LRRC8D: variants seen among roughly 807,000 people sequenced by gnomAD.
LRRC8D encodes leucine rich repeat containing 8 VRAC subunit D.
Under a neutral mutation model 55.8 loss-of-function variants are expected in LRRC8D, and 20 were observed. The observed-to-expected ratio is 0.36, with a 90% confidence interval of 0.25 to 0.52. LRRC8D has a LOEUF of 0.52. Among genes scored for constraint, LRRC8D ranks in the 20% least tolerant of loss-of-function variants. LRRC8D has a pLI of 0.93. For missense variants in LRRC8D, 651 were observed against 1,030.8 expected, an observed-to-expected ratio of 0.63 and a Z score of 5.05; for synonymous variants, 352 against 377.0, an observed-to-expected ratio of 0.93 and a Z score of 0.77.
At chr1:89,829,928 G>C (rs1159541856) in intron 1 of LRRC8D, among the ~76,000 whole-genome samples, 1 of 152,158 alleles carries the variant, frequency 6.6e-6, no homozygotes, top group Admixed American at 6.5e-5. Context: ...TTAGATCTCA[G>C]CCAGAATAAC....
chr1:89,845,279 A>C (rs1393703625), intron 2 of LRRC8D, among the ~76,000 whole-genome samples: 1 of 152,208 alleles, frequency 6.6e-6, no homozygotes, highest in Non-Finnish European at 1.5e-5. Flanking sequence ...CAATAAGTAC[A>C]TGGCATTAAG....
In LRRC8D at chr1:89,933,530, C is replaced by T; in HGVS notation, c.462C>T (p.Tyr154=). 6.2e-7 allele frequency: 1 copy of T among 1,614,130 alleles called. No homozygotes were observed. Among genetic ancestry groups the T allele is most frequent in the Non-Finnish European group, 8.5e-7 (1 of 1,179,994 alleles). Residue 154 remains tyrosine, a synonymous_variant, in exon 3 of 3, where the codon TAC becomes TAT. Transcript: ENST00000337338. This position sits in a 1 kb window ranked among gnomAD's most constrained non-coding sequence, Gnocchi z 7.0. The part of the protein sequence containing the change: ...QQYVFINQMC[Y]HLALPWYSKY... Reference sequence around the variant, plus strand: ...ATGTATTTATTAATCAAATGTGTTACCATCTGGCCCTTCCGTGGTATTCTA... The same window carrying T: ...ATGTATTTATTAATCAAATGTGTTATCATCTGGCCCTTCCGTGGTATTCTA...
intron 2 of LRRC8D, among the ~76,000 whole-genome samples, chr1:89,869,092 A>T (rs1661928904): frequency 6.6e-6 from 1 of 152,064 alleles, no homozygotes; most frequent in Non-Finnish European, 1.5e-5. Flanking sequence ...CTTTTAGCAG[A>T]GATGGGGTTT....
intron 2 of LRRC8D, among the ~76,000 whole-genome samples, chr1:89,931,256 C>CG (rs144283013): frequency 9.8e-6 from 1 of 102,304 alleles, no homozygotes; most frequent in African/African-American, 4.0e-5. Context: ...GGAAGGGTTT[C>CG]GGAAAAAAAA....
chr1:89,910,825 C>A (rs1035808775), intron 2 of LRRC8D, among the ~76,000 whole-genome samples: 1 of 152,122 alleles, frequency 6.6e-6, no homozygotes, highest in Non-Finnish European at 1.5e-5. Flanking sequence ...TAATTTTCTT[C>A]CTGTCTTCCC....
rs1337682899 is a variant in LRRC8D at position 89,826,390 on chromosome 1, G to A, written c.-148+5099G>A. On this transcript the variant is annotated intron_variant, in intron 1 of 2. Transcript: ENST00000337338. ...CGCCATTCTCCTGCCTCAGCCTCCC[G>A]AGTAGCTGGGACTACAGGCACCCGC... 2.0e-5 allele frequency among the ~76,000 whole-genome samples: 3 copies of A among 151,776 alleles called. No individual in the cohort carries two copies. In the East Asian group the frequency reaches 5.8e-4, roughly 29 times the overall value.
intron 2 of LRRC8D, among the ~76,000 whole-genome samples, chr1:89,926,222 C>T (rs1011807978): frequency 2.6e-4 from 40 of 152,228 alleles, no homozygotes; most frequent in African/African-American, 8.7e-4. Flanking sequence ...CATATTACTT[C>T]GTATTAAGGT....
chr1:89,872,424 C>T (rs374903993), intron 2 of LRRC8D, among the ~76,000 whole-genome samples: 4 of 152,270 alleles, frequency 2.6e-5, no homozygotes, highest in East Asian at 1.9e-4. Flanking sequence ...TTACTCTCTA[C>T]GAGGATCTTT....
intron 2 of LRRC8D, among the ~76,000 whole-genome samples, chr1:89,857,106 A>G (rs1384906309): frequency 6.6e-6 from 1 of 152,170 alleles, no homozygotes; most frequent in African/African-American, 2.4e-5. Flanking sequence ...TATCGGGGTC[A>G]GGCACGGTGG....
chr1:89,899,211 C>T (rs1382274363), intron 2 of LRRC8D, among the ~76,000 whole-genome samples: 1 of 152,164 alleles, frequency 6.6e-6, no homozygotes, highest in African/African-American at 2.4e-5. Context: ...GAGGCCACCC[C>T]GCATTATTCT....
chr1:89,824,037 G>A (rs1408322927), intron 1 of LRRC8D, among the ~76,000 whole-genome samples: 1 of 152,174 alleles, frequency 6.6e-6, no homozygotes, highest in Non-Finnish European at 1.5e-5. Flanking sequence ...CTTCTCAGCA[G>A]ACATTGAGGA....
chr1:89,915,708 G>C (rs985648172), intron 2 of LRRC8D, among the ~76,000 whole-genome samples: 2 of 152,110 alleles, frequency 1.3e-5, no homozygotes, highest in Non-Finnish European at 2.9e-5. Context: ...AAACAGATTG[G>C]GAAACACTGT....
At chr1:89,896,498 C>T (rs1005752564) in intron 2 of LRRC8D, among the ~76,000 whole-genome samples, 1 of 152,134 alleles carries the variant, frequency 6.6e-6, no homozygotes, top group Non-Finnish European at 1.5e-5. Context: ...GAGAAATACA[C>T]ACAGTGGCTT....
intron 2 of LRRC8D, among the ~76,000 whole-genome samples, chr1:89,872,346 G>A (rs1196224764): frequency 6.6e-6 from 1 of 152,208 alleles, no homozygotes; most frequent in Non-Finnish European, 1.5e-5. Context: ...TCATTGCCAA[G>A]GCATAAGGTC....
chr1:89,831,605 AT>A (rs1265022043), intron 1 of LRRC8D, among the ~76,000 whole-genome samples: 1 of 152,164 alleles, frequency 6.6e-6, no homozygotes, highest in Non-Finnish European at 1.5e-5. Context: ...GAAAGAAAAA[AT>A]GTCAATGTTT....
At chr1:89,870,878 T>A (rs999874149) in intron 2 of LRRC8D, among the ~76,000 whole-genome samples, 1 of 152,228 alleles carries the variant, frequency 6.6e-6, no homozygotes, top group Non-Finnish European at 1.5e-5. Flanking sequence ...GTTTTTAAGC[T>A]AACTAATAGC....
chr1:89,932,948 G>A (rs1391547736), intron 2 of LRRC8D, 119 bp from the exon 3 acceptor site: 1 of 770,104 alleles, frequency 1.3e-6, no homozygotes, highest in Non-Finnish European at 2.1e-6. Flanking sequence ...CATTTATATT[G>A]GATAAAAAGA....
Position 89,911,509 on chromosome 1 carries a change from A to G in LRRC8D, c.-2-21558A>G, listed in dbSNP as rs1244848072. Among the ~76,000 whole-genome samples, 2 of 152,170 alleles carry G rather than the reference A, an allele frequency of 1.3e-5. No homozygotes were observed. The highest frequency in any genetic ancestry group is 1.9e-4 in the East Asian group (1 of 5,184). On this transcript the variant is annotated intron_variant, in intron 2 of 2. Coordinates refer to ENST00000337338, the MANE Select transcript of LRRC8D (RefSeq NM_001134479.2). This position sits in a 1 kb window ranked among gnomAD's most constrained non-coding sequence, Gnocchi z 4.0. ...AAAATAAGAAACAAGTAGCCGTAAGAAAAACATCTTGGTACTCTCTCACCC... is the reference window on the plus strand; with the variant it reads ...AAAATAAGAAACAAGTAGCCGTAAGGAAAACATCTTGGTACTCTCTCACCC...
intron 2 of LRRC8D, among the ~76,000 whole-genome samples, chr1:89,870,650 T>C (rs953727106): frequency 6.6e-6 from 1 of 152,168 alleles, no homozygotes; most frequent in African/African-American, 2.4e-5. Flanking sequence ...ATTTTGTCAC[T>C]GAAGAGATGA....
Sources: gnomAD v4.1 joint callset for allele counts (sites outside exome capture counted in the v4.1 genomes callset) on GRCh38, gnomAD v4.1.1 for gene constraint, Gnocchi (gnomAD v3.1) non-coding constraint, MANE v1.5 for transcripts, NCBI Gene and HGNC (gene_info 2026-07-23, HGNC 2026-07-21) for gene names.